Variants in UPP2 observed in about 807,000 individuals in gnomAD.
UPP2 encodes UPase 2.
A neutral mutation model predicts 26.7 loss-of-function variants in UPP2; 23 were observed. The ratio of observed to expected loss-of-function variants is 0.86; its 90% CI spans 0.62 to 1.22. The LOEUF is 1.22. Ranked by LOEUF, UPP2 falls within the 50% of genes most tolerant of loss-of-function variation. UPP2 has a pLI of 0.00. For missense variants in UPP2, 387 were observed against 396.7 expected (o/e 0.98, Z 0.21); for synonymous variants, 127 against 141.3 (o/e 0.90, Z 0.72).
intron 3 of UPP2, among the ~76,000 whole-genome samples, chr2:158,085,175 G>GT (rs1363582147): frequency 6.6e-6 from 1 of 151,880 alleles, no homozygotes; most frequent in Non-Finnish European, 1.5e-5. Flanking sequence ...TTTCAGCAGT[G>GT]TTTTGCAGTT....
intron 2 of UPP2, among the ~76,000 whole-genome samples, chr2:158,004,816 A>G (rs1349964102): frequency 6.6e-6 from 1 of 152,208 alleles, no homozygotes; most frequent in Admixed American, 6.5e-5. Context: ...CCATATATCA[A>G]AAATGGAGAT....
Position 158,045,747 on chromosome 2 carries a change from C to T in UPP2, c.147+29861C>T, listed in dbSNP as rs887269921. Among the ~76,000 whole-genome samples the T allele has an allele frequency of 2.0e-5, 3 of 152,112 alleles. No homozygotes were observed. In the East Asian group the frequency reaches 5.8e-4, roughly 29 times the overall value. Reference sequence around the variant, plus strand: ...GATGCTGTGACAGACAAATGGGAGGCACAACCCTTTAGGAAGGGTTATTAG... The same window carrying T: ...GATGCTGTGACAGACAAATGGGAGGTACAACCCTTTAGGAAGGGTTATTAG... On this transcript the variant is annotated intron_variant, in intron 3 of 9. Transcript: ENST00000605860.
chr2:158,041,521 T>A (rs148300639), intron 3 of UPP2, among the ~76,000 whole-genome samples: 1 of 152,336 alleles, frequency 6.6e-6, no homozygotes, highest in Non-Finnish European at 1.5e-5. Flanking sequence ...TCAAATTATG[T>A]CCTCATCCAA....
intron 3 of UPP2, among the ~76,000 whole-genome samples, chr2:158,058,615 TC>T (rs1682301274): frequency 6.6e-6 from 1 of 152,002 alleles, no homozygotes; most frequent in Admixed American, 6.6e-5. Context: ...ATTTAAGCCA[TC>T]CAGTCTGTGG....
intron 3 of UPP2, among the ~76,000 whole-genome samples, chr2:158,049,915 G>C (rs144313662): frequency 6.6e-4 from 101 of 152,278 alleles, no homozygotes; most frequent in Non-Finnish European, 1.3e-3. Context: ...GAGCAAAATA[G>C]CTCTTATGTG....
At chr2:158,036,369 G>A (rs1056177066) in intron 3 of UPP2, among the ~76,000 whole-genome samples, 10 of 152,144 alleles carry the variant, frequency 6.6e-5, no homozygotes, top group Admixed American at 3.3e-4. Flanking sequence ...ACCCCCGAGC[G>A]CTTGGTGGAG....
rs531468475 is a variant in UPP2 at position 158,031,117 on chromosome 2, A to G, written c.147+15231A>G. 1.8e-3 allele frequency among the ~76,000 whole-genome samples: 270 copies of G among 152,368 alleles called. 1 individual carries two copies. Among genetic ancestry groups the G allele is most frequent in the Admixed American group, 2.4e-3 (36 of 15,306 alleles). On this transcript the variant is annotated intron_variant, in intron 3 of 9. Coordinates refer to the UPP2 transcript ENST00000605860. ...AAATTAAATAAATGGTACAGAAAAT[A>G]AATGCCTCAGAATTAAAAGAAAACA...
intron 3 of UPP2, among the ~76,000 whole-genome samples, chr2:158,063,651 G>T (rs1219265567): frequency 2.0e-5 from 3 of 151,764 alleles, no homozygotes; most frequent in Non-Finnish European, 4.4e-5. Context: ...AGAATGTGTA[G>T]TTTTGTTACA....
rs1456816731 is a variant in UPP2, at chr2:158,134,912, A to G, written c.*22A>G. On this transcript the variant is annotated 3_prime_UTR_variant, in exon 7 of 7. Transcript: ENST00000005756. Reference sequence around the variant, plus strand: ...CTAGACGTCCTAACTGGGCAGCCCAACCCTCCCCTGCAAGTTTGTAGCTCA... The same window carrying G: ...CTAGACGTCCTAACTGGGCAGCCCAGCCCTCCCCTGCAAGTTTGTAGCTCA... The G allele has an allele frequency of 1.3e-6, 2 of 1,592,956 alleles. No individual in the cohort carries two copies. The highest frequency in any genetic ancestry group is 1.7e-6 in the Non-Finnish European group (2 of 1,169,968).
chr2:158,105,933 T>G (rs78617012), intron 1 of UPP2, among the ~76,000 whole-genome samples, 166 bp from the exon 2 acceptor site: 2 of 152,260 alleles, frequency 1.3e-5, no homozygotes, highest in African/African-American at 2.4e-5. Context: ...CTCAGTGCTA[T>G]GCTTGGCACA....
At chr2:158,091,005 GA>G (rs1479169221) in intron 3 of UPP2, among the ~76,000 whole-genome samples, 1 of 152,226 alleles carries the variant, frequency 6.6e-6, no homozygotes, top group Non-Finnish European at 1.5e-5. Flanking sequence ...TGAATGCAAA[GA>G]AAGTTTGTCT....
At chr2:158,040,074 G>A (rs1684063536) in intron 3 of UPP2, among the ~76,000 whole-genome samples, 1 of 152,198 alleles carries the variant, frequency 6.6e-6, no homozygotes, top group African/African-American at 2.4e-5. Context: ...TGATCTTTGT[G>A]GGCTGACTGC....
intron 2 of UPP2, among the ~76,000 whole-genome samples, chr2:158,009,077 T>G (rs1235472868): frequency 6.6e-6 from 1 of 152,208 alleles, no homozygotes; most frequent in Non-Finnish European, 1.5e-5. Flanking sequence ...ATATTGCAAA[T>G]TTTAAATATT....
intron 3 of UPP2, among the ~76,000 whole-genome samples, chr2:158,040,898 A>C (rs1684074006): frequency 6.6e-6 from 1 of 152,214 alleles, no homozygotes; most frequent in South Asian, 2.1e-4. Flanking sequence ...TTAGTCATTG[A>C]ACCTGCTAGA....
intron 3 of UPP2, among the ~76,000 whole-genome samples, chr2:158,038,776 G>A (rs1684041247): frequency 6.6e-6 from 1 of 152,142 alleles, no homozygotes; most frequent in Non-Finnish European, 1.5e-5. Flanking sequence ...GAACTCTATT[G>A]AGGGTTTCTA....
At chr2:158,042,680 T>A (rs1024565732) in intron 3 of UPP2, among the ~76,000 whole-genome samples, 5 of 152,142 alleles carry the variant, frequency 3.3e-5, no homozygotes, top group African/African-American at 1.2e-4. Flanking sequence ...TTGGGGAGAC[T>A]TTTTTGGGGT....
chr2:158,126,960 A>C (rs1396853233), intron 6 of UPP2, among the ~76,000 whole-genome samples: 3 of 152,178 alleles, frequency 2.0e-5, no homozygotes, highest in Non-Finnish European at 4.4e-5. Context: ...ATCAGAATTC[A>C]TACTAAGGTG....
At chr2:158,123,146 T>C (rs1002058384) in intron 5 of UPP2, among the ~76,000 whole-genome samples, 2 of 152,110 alleles carry the variant, frequency 1.3e-5, no homozygotes, top group Non-Finnish European at 2.9e-5. Flanking sequence ...TTTCCTTGCT[T>C]CTGTCCGCAC....
intron 3 of UPP2, among the ~76,000 whole-genome samples, chr2:158,021,219 T>C (rs1254540093): frequency 6.6e-6 from 1 of 152,240 alleles, no homozygotes; most frequent in Non-Finnish European, 1.5e-5. Flanking sequence ...TCTAAATATT[T>C]TAACCTTTCC....
Sources: allele counts gnomAD v4.1 joint callset (sites outside exome capture counted in the v4.1 genomes callset), GRCh38; gene constraint gnomAD v4.1.1; transcripts MANE v1.5; gene names NCBI Gene and HGNC (gene_info 2026-07-23, HGNC 2026-07-21).